The following CACNA2D1 variants were observed in gnomAD, a reference collection of about 807,000 sequenced individuals.
The protein encoded by CACNA2D1 is calcium voltage-gated channel auxiliary subunit alpha2delta 1, also known as voltage-dependent calcium channel subunit alpha-2/delta-1.
A neutral mutation model predicts 171.5 loss-of-function variants in CACNA2D1; 53 were observed. That is an observed-to-expected ratio of 0.31 (90% CI 0.25 to 0.39). CACNA2D1 has a LOEUF of 0.39. Among genes scored for constraint, CACNA2D1 ranks in the 10% least tolerant of loss-of-function variants. CACNA2D1 has a pLI of 1.00. For missense variants in CACNA2D1, 903 were observed against 1,299.8 expected (o/e 0.69, Z 4.69); for synonymous variants, 442 against 443.1 (o/e 1.00, Z 0.03).
chr7:82,032,543 TAAG>T (rs1802834103), intron 12 of CACNA2D1, among the ~76,000 whole-genome samples: 1 of 151,834 alleles, frequency 6.6e-6, no homozygotes, highest in Admixed American at 6.6e-5. Flanking sequence ...AATCTATGCA[TAAG>T]AATAAAATAG....
At chr7:82,015,586 T>C (rs888661599) in intron 12 of CACNA2D1, among the ~76,000 whole-genome samples, 2 of 152,190 alleles carry the variant, frequency 1.3e-5, no homozygotes, top group African/African-American at 4.8e-5. Context: ...TTTACTAATT[T>C]AGTAATCTAA....
Position 82,013,480 on chromosome 7 carries a change from G to T in CACNA2D1, c.1253C>A (p.Ala418Glu). 1 of 1,084,066 alleles carries T rather than the reference G, an allele frequency of 9.2e-7. No individual in the cohort carries two copies. Among genetic ancestry groups the T allele is most frequent in the Non-Finnish European group, 1.3e-6 (1 of 779,446 alleles). 67.2% of individuals were successfully genotyped at this position (1,084,066 alleles called of 1,614,324 possible). ...TCATACCTGAGTATTGATTCTTATTGCACCAATGGAAGGAATTTCATAATA... is the reference window on the plus strand; with the variant it reads ...TCATACCTGAGTATTGATTCTTATTTCACCAATGGAAGGAATTTCATAATA... ...GYYYEIPSIG[A>E]IRINTQEYLD... The change falls in exon 14 of 39, where the codon GCA becomes GAA. Residue 418 changes from alanine to glutamate, a missense_variant. Ala to Glu is a moderately radical substitution (Grantham distance 107). Around this residue, in one of 5 missense-constraint regions of CACNA2D1, gnomAD observed 623 missense variants for 925.5 expected, o/e 0.67. Coordinates refer to ENST00000356860, the MANE Select transcript of CACNA2D1 (RefSeq NM_000722.4).
intron 3 of CACNA2D1, among the ~76,000 whole-genome samples, chr7:82,233,333 A>C (rs1391147419): frequency 6.6e-6 from 1 of 152,236 alleles, no homozygotes. Flanking sequence ...AAAACAGTAT[A>C]CATACAGAAA....
chr7:82,084,894 A>G lies in CACNA2D1; in HGVS notation c.533T>C (p.Ile178Thr), dbSNP rs1345419217. 6.2e-7 allele frequency: 1 copy of G among 1,612,736 alleles called. No individual in the cohort carries two copies. Among genetic ancestry groups the G allele is most frequent in the Non-Finnish European group, 8.5e-7 (1 of 1,178,720 alleles). ...TGTCCAGTTGAGTTCATTTAACACA[A>G]TTGTTGCTAACAAAAAAGAGAGAAA... ...IPTDIYEGSTIVLNELNWTSA... is the reference protein window; with the variant it reads ...IPTDIYEGSTTVLNELNWTSA... The change falls in exon 7 of 39, where the codon ATT (isoleucine) becomes ACT (threonine). Residue 178 changes from isoleucine (I) to threonine (T), a missense_variant. Ile to Thr is a moderately conservative substitution (Grantham distance 89, BLOSUM62 -1). Around this residue, in one of 5 missense-constraint regions of CACNA2D1, gnomAD observed 189 missense variants for 266.8 expected, o/e 0.71. Coordinates refer to ENST00000356860, the MANE Select transcript of CACNA2D1 (RefSeq NM_000722.4).
At chr7:81,962,144 G>C in intron 35 of CACNA2D1, 121 bp from the exon 36 acceptor site, 3 of 899,446 alleles carry the variant, frequency 3.3e-6, no homozygotes, top group Non-Finnish European at 3.5e-6. Flanking sequence ...AGGACCCCTC[G>C]ACTGGCTTGT....
rs571679883 is a variant in CACNA2D1 at position 82,202,593 on chromosome 7, C to T, written c.295-31984G>A. On this transcript the variant is annotated intron_variant, in intron 3 of 38. Coordinates refer to ENST00000356860, the MANE Select transcript of CACNA2D1 (RefSeq NM_000722.4). ...GCCTTTGCTGGCAGAGTTGGATGTG[C>T]ATTTTTGACCGCGGTACAAGAAGTA... is the stretch of plus-strand genomic sequence containing the variant. Among the ~76,000 whole-genome samples, 7 of 152,250 alleles carry T rather than the reference C, an allele frequency of 4.6e-5. No individual in the cohort carries two copies. The East Asian group carries it at 1.2e-3, about 25-fold the overall frequency.
In CACNA2D1 at chr7:82,443,745, C is replaced by T; in HGVS notation, c.-286G>A. 8 of 1,199,786 alleles carry T rather than the reference C, an allele frequency of 6.7e-6. No homozygotes were observed. The highest frequency in any genetic ancestry group is 8.3e-6 in the Non-Finnish European group (8 of 959,246). 74.3% of individuals were successfully genotyped at this position (1,199,786 alleles called of 1,614,324 possible). ...CAAGGGCGACTTTGGAAACAGACCTCGGCGAGCCCGCCGGCGCTCGCGCGC... is the reference window on the plus strand; with the variant it reads ...CAAGGGCGACTTTGGAAACAGACCTTGGCGAGCCCGCCGGCGCTCGCGCGC... On this transcript the variant is annotated 5_prime_UTR_variant, in exon 1 of 39. Transcript: ENST00000356860.
intron 10 of CACNA2D1, among the ~76,000 whole-genome samples, chr7:82,047,547 C>T (rs1216341799): frequency 6.6e-6 from 1 of 152,092 alleles, no homozygotes; most frequent in East Asian, 1.9e-4. Context: ...CATAAGAACA[C>T]AAAGTTAACT....
In CACNA2D1 at chr7:82,060,190, T is replaced by TATAATA. The variant is rs1491114373; in HGVS notation, c.879+237_879+238insTATTAT. Among the ~76,000 whole-genome samples, 13 of 13,142 alleles carry TATAATA rather than the reference T, an allele frequency of 9.9e-4. 1 individual carries two copies. The South Asian group carries it at 0.018, about 18-fold the overall frequency. The allele number at this position is 13,142 out of a possible 152,430, so 8.6% of individuals were successfully genotyped here. On this transcript the variant is annotated intron_variant, in intron 10 of 38. Transcript: ENST00000356860. ...AATATATATATATAATATATATATA[T>TATAATA]TATATATATATTATATATATAATAT...
chr7:82,400,023 G>A (rs924501682), intron 1 of CACNA2D1, among the ~76,000 whole-genome samples: 34 of 151,802 alleles, frequency 2.2e-4, no homozygotes, highest in Middle Eastern at 3.4e-3. Flanking sequence ...GATATGCGGC[G>A]TTATTTCTGA....
chr7:82,178,312 C>T (rs1796764771), intron 3 of CACNA2D1, among the ~76,000 whole-genome samples: 1 of 152,134 alleles, frequency 6.6e-6, no homozygotes, highest in African/African-American at 2.4e-5. Context: ...CCTTGAAATA[C>T]AGAAGGCAGG....
intron 10 of CACNA2D1, among the ~76,000 whole-genome samples, chr7:82,048,913 A>C (rs2131293174): frequency 6.6e-6 from 1 of 152,202 alleles, no homozygotes; most frequent in South Asian, 2.1e-4. Context: ...AATTCTAAAA[A>C]CAATAGTTCA....
chr7:82,204,880 T>C (rs1042333867), intron 3 of CACNA2D1, among the ~76,000 whole-genome samples: 1 of 152,148 alleles, frequency 6.6e-6, no homozygotes, highest in African/African-American at 2.4e-5. Flanking sequence ...AGACATCCAG[T>C]CCAGCATGAC....
intron 2 of CACNA2D1, among the ~76,000 whole-genome samples, chr7:82,344,816 G>C (rs956480068): frequency 1.3e-5 from 2 of 152,078 alleles, no homozygotes; most frequent in Non-Finnish European, 2.9e-5. Flanking sequence ...AGGAAAGTAA[G>C]GCAACTCTGA....
In CACNA2D1 at chr7:82,099,508, G is replaced by T. The variant is rs868559016; in HGVS notation, c.527-14608C>A. Among the ~76,000 whole-genome samples the T allele has an allele frequency of 6.3e-5, 3 of 47,382 alleles. 1 individual carries two copies. The highest frequency in any genetic ancestry group is 6.5e-4 in the South Asian group (1 of 1,536). 31.1% of individuals were successfully genotyped at this position (47,382 alleles called of 152,430 possible). A position where few individuals can be genotyped will look rare whatever the true frequency, so the allele number is the denominator to read the frequency against. On this transcript the variant is annotated intron_variant, in intron 6 of 38. Coordinates refer to ENST00000356860, the MANE Select transcript of CACNA2D1 (RefSeq NM_000722.4). ...TCTGTCGCCCAGGCTGGAGTGCAGC[G>T]GCGGGATCTCGGCTCACTGCAAGCT...
At chr7:81,992,232 G>A (rs991102076) in intron 20 of CACNA2D1, among the ~76,000 whole-genome samples, 2 of 152,014 alleles carry the variant, frequency 1.3e-5, no homozygotes, top group Non-Finnish European at 2.9e-5. Context: ...AGTATTTCTT[G>A]GTATCAGGCA....
At chr7:82,027,684 G>A (rs549913044) in intron 12 of CACNA2D1, 15 of 151,872 alleles carry the variant, frequency 9.9e-5, no homozygotes, top group African/African-American at 3.6e-4. Flanking sequence ...CCTGTATCAA[G>A]TAAGTCCACT....
chr7:81,959,672 G>C, intron 37 of CACNA2D1, 48 bp downstream of exon 37: 1 of 1,549,860 alleles, frequency 6.5e-7, no homozygotes, highest in Non-Finnish European at 8.9e-7. Flanking sequence ...GATTCAAAAT[G>C]CATTAAGATG....
At chr7:82,000,502 T>C (rs1798476054) in intron 18 of CACNA2D1, among the ~76,000 whole-genome samples, 1 of 152,140 alleles carries the variant, frequency 6.6e-6, no homozygotes, top group African/African-American at 2.4e-5. Context: ...CAGTGTTGGC[T>C]TTCAGAACCA....
Sources: gnomAD v4.1 joint callset for allele counts (sites outside exome capture counted in the v4.1 genomes callset) on GRCh38, gnomAD v4.1.1 for gene constraint, gnomAD v4.1.1 regional missense constraint, MANE v1.5 for transcripts, NCBI Gene and HGNC (gene_info 2026-07-23, HGNC 2026-07-21) for gene names.